The following NHSL1 variants were observed in gnomAD, a reference collection of about 807,000 sequenced individuals.
NHSL1 encodes NHS-like protein 1.
In NHSL1, 48 loss-of-function variants were observed where a neutral mutation model predicts 95.0. The ratio of observed to expected loss-of-function variants is 0.51; its 90% confidence interval spans 0.40 to 0.64. NHSL1 has a LOEUF of 0.64. NHSL1 is among the 30% of genes least tolerant of loss of function. NHSL1 has a pLI of 0.00. For missense variants in NHSL1, 1,971 were observed against 2,077.7 expected (o/e 0.95, Z 1.00); for synonymous variants, 783 against 833.9 (o/e 0.94, Z 1.05).
chr6:138,641,511 T>C (rs773035293), intron 1 of NHSL1, among the ~76,000 whole-genome samples: 3 of 149,276 alleles, frequency 2.0e-5, no homozygotes, highest in Non-Finnish European at 4.4e-5. Context: ...AAAGAAAAAA[T>C]ATTCAGGAGG....
At chr6:138,620,106 A>G (rs1163184855) in intron 1 of NHSL1, among the ~76,000 whole-genome samples, 1 of 152,200 alleles carries the variant, frequency 6.6e-6, no homozygotes, top group Non-Finnish European at 1.5e-5. Flanking sequence ...TGAGATAACA[A>G]GATAACATTT....
At chr6:138,596,770 TG>T (rs997928493) in intron 1 of NHSL1, among the ~76,000 whole-genome samples, 6 of 149,104 alleles carry the variant, frequency 4.0e-5, no homozygotes, top group Non-Finnish European at 5.9e-5. Flanking sequence ...TTGGCGGGGG[TG>T]GGGGGGAAGT....
At chr6:138,495,968 T>C (rs9389584) in intron 2 of NHSL1, among the ~76,000 whole-genome samples, 40,441 of 152,076 alleles carry the variant, frequency 0.27, 6,240 homozygotes, top group Non-Finnish European at 0.32. Flanking sequence ...GGCCCCATGA[T>C]TCAATTATCT....
chr6:138,642,833 C>T (rs1021026471), intron 1 of NHSL1, among the ~76,000 whole-genome samples: 2 of 151,930 alleles, frequency 1.3e-5, no homozygotes, highest in African/African-American at 4.8e-5. Flanking sequence ...CGGTGGGTCG[C>T]TGGGGGGAGA....
intron 1 of NHSL1, among the ~76,000 whole-genome samples, chr6:138,511,121 G>A (rs1220593608): frequency 2.6e-5 from 4 of 152,138 alleles, no homozygotes; most frequent in African/African-American, 2.4e-5. Flanking sequence ...AAAATGATAC[G>A]CTTAGCTCTT....
intron 1 of NHSL1, among the ~76,000 whole-genome samples, chr6:138,608,540 AG>A (rs1294595871): frequency 6.6e-6 from 1 of 152,224 alleles, no homozygotes; most frequent in Non-Finnish European, 1.5e-5. Context: ...ATAATACAGT[AG>A]GATCTGTAGC....
chr6:138,641,802 C>A (rs1410581803), intron 1 of NHSL1, among the ~76,000 whole-genome samples: 3 of 151,952 alleles, frequency 2.0e-5, no homozygotes, highest in African/African-American at 7.3e-5. Flanking sequence ...GACATGAAGC[C>A]CCTTTCTACT....
intron 1 of NHSL1, among the ~76,000 whole-genome samples, chr6:138,505,448 G>A (rs1019951694): frequency 6.6e-6 from 1 of 152,060 alleles, no homozygotes; most frequent in Admixed American, 6.5e-5. Flanking sequence ...GAGGTCAGGA[G>A]ATCGAGACCA....
chr6:138,547,881 A>G (rs4896374), upstream of NHSL1, among the ~76,000 whole-genome samples: 63,795 of 152,158 alleles, frequency 0.42, 15,079 homozygotes, highest in African/African-American at 0.64. Context: ...AGTCTCTCCC[A>G]TGTAATTTAC....
chr6:138,636,029 A>G (rs944877137), intron 1 of NHSL1, among the ~76,000 whole-genome samples: 2 of 151,418 alleles, frequency 1.3e-5, no homozygotes, highest in African/African-American at 4.9e-5. Context: ...AGGCTGAGGC[A>G]GAACAATCAC....
At chr6:138,448,196 C>A (rs927890022) in intron 3 of NHSL1, among the ~76,000 whole-genome samples, 2 of 152,066 alleles carry the variant, frequency 1.3e-5, no homozygotes, top group African/African-American at 2.4e-5. Context: ...GTTGTGTTGG[C>A]GAGCATTTTT....
chr6:138,632,432 G>C (rs1044741054), intron 1 of NHSL1, among the ~76,000 whole-genome samples: 2 of 152,202 alleles, frequency 1.3e-5, no homozygotes, highest in African/African-American at 4.8e-5. Context: ...CTGCTAGGCT[G>C]ACTTCAGTTC....
intron 1 of NHSL1, among the ~76,000 whole-genome samples, chr6:138,682,868 G>A (rs148890365): frequency 2.0e-5 from 3 of 152,314 alleles, no homozygotes; most frequent in African/African-American, 7.2e-5. Context: ...GAAAGTGTGG[G>A]TAACCCGGAG....
At chr6:138,575,372 C>T (rs1373708991), upstream of NHSL1, among the ~76,000 whole-genome samples, 2 of 152,168 alleles carry the variant, frequency 1.3e-5, no homozygotes, top group African/African-American at 2.4e-5. Flanking sequence ...ACAGGAGAAG[C>T]TAAAGGAACA....
intron 1 of NHSL1, among the ~76,000 whole-genome samples, chr6:138,613,813 G>GT (rs1317513669): frequency 6.6e-6 from 1 of 152,226 alleles, no homozygotes; most frequent in Non-Finnish European, 1.5e-5. Flanking sequence ...GGAGAAAGAT[G>GT]TAGAATGGGT....
chr6:138,466,778 AAT>A (rs1778408036), intron 3 of NHSL1, among the ~76,000 whole-genome samples: 1 of 151,904 alleles, frequency 6.6e-6, no homozygotes, highest in African/African-American at 2.4e-5. Context: ...GTCATATAAA[AAT>A]ATGACACATA....
rs141495751 is a variant in NHSL1, at chr6:138,442,169, C to A, written c.533-55G>T. On this transcript the variant is annotated intron_variant, in intron 4 of 7. Transcript: ENST00000343505. ...AATGTTATTTTCAAGCAAGCTGACA[C>A]CATGCACTTTCTTCCAGAAGCTTGT... The A allele has an allele frequency of 3.2e-4, 468 of 1,447,172 alleles. 5 individuals are homozygous for A. The East Asian group carries it at 0.011, about 35-fold the overall frequency. 89.6% of individuals were successfully genotyped at this position (1,447,172 alleles called of 1,614,324 possible). A position where few individuals can be genotyped will look rare whatever the true frequency, so the allele number is the denominator to read the frequency against.
At chr6:138,666,428 A>G (rs1424601052) in intron 1 of NHSL1, among the ~76,000 whole-genome samples, 3 of 152,038 alleles carry the variant, frequency 2.0e-5, no homozygotes, top group South Asian at 2.1e-4. Flanking sequence ...CGTCTCTACT[A>G]AAAATACAAA....
At chr6:138,665,551 C>A (rs981240432) in intron 1 of NHSL1, among the ~76,000 whole-genome samples, 1 of 152,224 alleles carries the variant, frequency 6.6e-6, no homozygotes, top group African/African-American at 2.4e-5. Context: ...ACTCACAGTG[C>A]TGCTCAGCAA....
Sources: gnomAD v4.1 joint callset for allele counts (sites outside exome capture counted in the v4.1 genomes callset) on GRCh38, gnomAD v4.1.1 for gene constraint, MANE v1.5 for transcripts, NCBI Gene and HGNC (gene_info 2026-07-23, HGNC 2026-07-21) for gene names.